Variants in PPA1 observed in about 807,000 individuals in gnomAD.
The protein encoded by PPA1 is inorganic pyrophosphatase 1.
A neutral mutation model predicts 41.8 loss-of-function variants in PPA1; 23 were observed. That is an observed-to-expected ratio of 0.55 (90% CI 0.40 to 0.78). The LOEUF (loss-of-function observed/expected upper bound fraction) is 0.78, where lower values mean the gene tolerates loss of function less well. Among genes scored for constraint, PPA1 ranks in the 30% least tolerant of loss-of-function variants. The probability of loss-of-function intolerance (pLI) is 0.00; values close to 1 mark genes in which losing one functional copy is unlikely to be tolerated. For missense variants in PPA1, 320 were observed against 361.6 expected, an observed-to-expected ratio of 0.89 and a Z score of 0.93; for synonymous variants, 101 against 116.8, an observed-to-expected ratio of 0.86 and a Z score of 0.87.
chr10:70,225,348 A>G (rs958732246), intron 2 of PPA1, among the ~76,000 whole-genome samples: 80 of 151,728 alleles, frequency 5.3e-4, no homozygotes, highest in Non-Finnish European at 2.6e-4. Context: ...CTCCTGGACC[A>G]CAGGCACCTG....
rs761434786 is a variant in PPA1 at position 70,213,518 on chromosome 10, G to A, written c.456C>T (p.Thr152=). The stretch of plus-strand genomic sequence containing the variant: ...CATTAATGGCAATGACTTTCCAGTC[G>A]GTTTCCCCTTCGTCAATCATAGCCA... ...GILAMIDEGE[T]DWKVIAINVD... The change falls in exon 6 of 11, where the codon ACC becomes ACT. Residue 152 remains threonine, a synonymous_variant. Transcript: ENST00000373232. The A allele has an allele frequency of 5.1e-5, 82 of 1,613,820 alleles. No homozygotes were observed. The highest frequency in any genetic ancestry group is 1.6e-4 in the Middle Eastern group (1 of 6,082).
At chr10:70,230,448 A>G in intron 1 of PPA1, 49 bp from the exon 2 acceptor site, 2 of 1,523,990 alleles carry the variant, frequency 1.3e-6, no homozygotes, top group Admixed American at 1.9e-5. Context: ...TTGTATTGCT[A>G]AATGCCCACA....
rs79109842 is a variant in PPA1 at position 70,223,766 on chromosome 10, T to C, written c.124-4949A>G. 4.5e-3 allele frequency among the ~76,000 whole-genome samples: 679 copies of C among 152,350 alleles called. 1 individual carries two copies. Among genetic ancestry groups the C allele is most frequent in the Non-Finnish European group, 7.5e-3 (507 of 68,026 alleles). ...CAATATTCACGCACTTAAAAAATAC[T>C]GATTTTAAGAAATTTCGTACTACCC... On this transcript the variant is annotated intron_variant, in intron 2 of 10. Transcript: ENST00000373232.
rs549721934 is a variant in PPA1, at chr10:70,232,763, C to T, written c.64+501G>A. ...GGCTCCCGATCCGGGCCTCAGTTTT[C>T]CCGTCTGTAAAACGAGGGGGTGGAC... On this transcript the variant is annotated intron_variant, in intron 1 of 10. Transcript: ENST00000373232. Among the ~76,000 whole-genome samples the T allele has an allele frequency of 6.2e-3, 945 of 152,232 alleles. 16 individuals carry two copies. Among genetic ancestry groups the T allele is most frequent in the African/African-American group, 0.021 (893 of 41,540 alleles).
chr10:70,219,644 G>A (rs541323514), intron 2 of PPA1, among the ~76,000 whole-genome samples: 3 of 152,282 alleles, frequency 2.0e-5, no homozygotes, highest in Admixed American at 2.0e-4. Flanking sequence ...AAGAGAATAT[G>A]CTTTAAAAAT....
chr10:70,209,419 T>G, intron 7 of PPA1, 129 bp from the exon 8 acceptor site: 1 of 1,305,690 alleles, frequency 7.7e-7, no homozygotes, highest in East Asian at 2.4e-5. Context: ...AAGAGAATAT[T>G]AAAGTGAATA....
chr10:70,220,504 T>A (rs11598267), intron 2 of PPA1, among the ~76,000 whole-genome samples: 38,610 of 51,460 alleles, frequency 0.75, 15,310 homozygotes, highest in East Asian at 0.99. Flanking sequence ...TTATATAATT[T>A]TATATATATA....
At chr10:70,229,990 C>A (rs1247925570) in intron 2 of PPA1, among the ~76,000 whole-genome samples, 1 of 152,102 alleles carries the variant, frequency 6.6e-6, no homozygotes, top group Non-Finnish European at 1.5e-5. Context: ...CTCACTGCAA[C>A]CTCTGCCTCC....
intron 1 of PPA1, among the ~76,000 whole-genome samples, chr10:70,232,141 A>G (rs749815769): frequency 1.3e-5 from 2 of 152,176 alleles, no homozygotes; most frequent in Non-Finnish European, 2.9e-5. Context: ...CTAGATGTGT[A>G]AGCTTTACAG....
intron 2 of PPA1, among the ~76,000 whole-genome samples, chr10:70,229,543 C>T (rs900970495): frequency 1.3e-5 from 2 of 152,224 alleles, no homozygotes; most frequent in African/African-American, 4.8e-5. Context: ...TATACAGGAA[C>T]AGCTATGTCC....
chr10:70,229,135 GGA>G (rs1267011069), intron 2 of PPA1, among the ~76,000 whole-genome samples: 1 of 152,216 alleles, frequency 6.6e-6, no homozygotes, highest in Non-Finnish European at 1.5e-5. Flanking sequence ...CCATTGGAAA[GGA>G]GAGTAAGAAA....
In PPA1 at chr10:70,222,600, C is replaced by A. The variant is rs139737262; in HGVS notation, c.124-3783G>T. Among the ~76,000 whole-genome samples the A allele has an allele frequency of 5.3e-3, 807 of 152,232 alleles. 4 individuals carry two copies. Among genetic ancestry groups the A allele is most frequent in the African/African-American group, 0.015 (624 of 41,518 alleles). On this transcript the variant is annotated intron_variant, in intron 2 of 10. Transcript: ENST00000373232. ...GGGGTAGAATTCTCGCCTGCTAAAT[C>A]AGGTACTTCCAGTTTGTAGGCCTCA...
At chr10:70,206,859 G>A (rs1433372623) in intron 8 of PPA1, among the ~76,000 whole-genome samples, 6 of 93,462 alleles carry the variant, frequency 6.4e-5, no homozygotes, top group Admixed American at 2.4e-4. Flanking sequence ...GAGGAGAGGA[G>A]AGGAGAGGAG....
intron 4 of PPA1, among the ~76,000 whole-genome samples, chr10:70,216,026 T>C (rs547710697): frequency 2.6e-5 from 4 of 152,270 alleles, no homozygotes; most frequent in South Asian, 2.1e-4. Context: ...TCAGATTTGT[T>C]TGTCTACTCA....
At chr10:70,222,567 G>T (rs752725565) in intron 2 of PPA1, among the ~76,000 whole-genome samples, 6 of 152,108 alleles carry the variant, frequency 3.9e-5, no homozygotes, top group Non-Finnish European at 7.3e-5. Context: ...GGTAGCATTG[G>T]TGGTTCAGGG....
chr10:70,231,222 C>T (rs950643064), intron 1 of PPA1, among the ~76,000 whole-genome samples: 1 of 152,182 alleles, frequency 6.6e-6, no homozygotes, highest in Non-Finnish European at 1.5e-5. Flanking sequence ...AAAACTTCTT[C>T]AGTATTCTTT....
chr10:70,223,829 G>A (rs1436785487), intron 2 of PPA1, among the ~76,000 whole-genome samples: 1 of 151,970 alleles, frequency 6.6e-6, no homozygotes, highest in Non-Finnish European at 1.5e-5. Context: ...ATCCCAACTG[G>A]TTTCAGCTTT....
chr10:70,222,481 G>A (rs962126413), intron 2 of PPA1, among the ~76,000 whole-genome samples: 1 of 151,842 alleles, frequency 6.6e-6, no homozygotes, highest in Non-Finnish European at 1.5e-5. Context: ...TCTAGGCTCC[G>A]AAGACTAGCA....
At chr10:70,221,077 T>TATATA (rs1491245702) in intron 2 of PPA1, among the ~76,000 whole-genome samples, 251 of 9,936 alleles carry the variant, frequency 0.025, 20 homozygotes, top group East Asian at 0.096. Context: ...TATATATATA[T>TATATA]TTTTTTTTTT....
Sources: gnomAD v4.1 joint callset for allele counts (sites outside exome capture counted in the v4.1 genomes callset) on GRCh38, gnomAD v4.1.1 for gene constraint, MANE v1.5 for transcripts, NCBI Gene and HGNC (gene_info 2026-07-23, HGNC 2026-07-21) for gene names.